The following ACMSD variants were observed in gnomAD, a reference collection of about 807,000 sequenced individuals.
ACMSD encodes 2-amino-3-carboxymuconate-6-semialdehyde decarboxylase.
Under a neutral mutation model 45.9 loss-of-function variants are expected in ACMSD, and 37 were observed. The ratio of observed to expected loss-of-function variants is 0.81; its 90% CI spans 0.62 to 1.06. The LOEUF is 1.06. Ranked by LOEUF, ACMSD falls within the 50% of genes least tolerant of loss-of-function variation. ACMSD has a pLI of 0.00. For missense variants in ACMSD, 434 were observed against 420.9 expected (o/e 1.03, Z -0.27); for synonymous variants, 138 against 148.8 (o/e 0.93, Z 0.53).
intron 6 of ACMSD, among the ~76,000 whole-genome samples, chr2:134,870,421 G>A (rs1227266290): frequency 6.6e-6 from 1 of 152,132 alleles, no homozygotes; most frequent in Non-Finnish European, 1.5e-5. Flanking sequence ...TCACTGGCAG[G>A]AACTCACCAT....
chr2:134,857,709 T>C (rs1026794649), intron 2 of ACMSD: 2 of 151,798 alleles, frequency 1.3e-5, no homozygotes, highest in African/African-American at 2.4e-5. Context: ...GAACTTCCTT[T>C]ATGATGTTGA....
intron 8 of ACMSD, among the ~76,000 whole-genome samples, chr2:134,893,896 G>A (rs1196167892): frequency 6.6e-6 from 1 of 152,008 alleles, no homozygotes; most frequent in Non-Finnish European, 1.5e-5. Context: ...AAGTCACAAG[G>A]AAAATTAGAA....
rs767240117 is a variant in ACMSD at position 134,838,677 on chromosome 2, G to A, written c.-6G>A. 3.1e-6 allele frequency: 5 copies of A among 1,606,696 alleles called. No individual in the cohort carries two copies. Among genetic ancestry groups the A allele is most frequent in the Non-Finnish European group, 1.7e-6 (2 of 1,176,246 alleles). ...TTTCCTTGCATGCTTCTCTGATCCT[G>A]TGGAGATGAAAATTGACATCCATAG... On this transcript the variant is annotated 5_prime_UTR_variant, in exon 1 of 10. The change creates a new upstream start codon in the 5' untranslated region. Coordinates refer to ENST00000356140, the MANE Select transcript of ACMSD (RefSeq NM_138326.3).
chr2:134,881,856 G>A (rs556917294), intron 8 of ACMSD, among the ~76,000 whole-genome samples: 43 of 152,168 alleles, frequency 2.8e-4, no homozygotes, highest in Middle Eastern at 3.4e-3. Context: ...GCTGGATTAC[G>A]CCTGTAATCC....
At chr2:134,862,081 T>C in intron 4 of ACMSD, 63 bp downstream of exon 4, 2 of 1,581,716 alleles carry the variant, frequency 1.3e-6, no homozygotes, top group Admixed American at 3.3e-5. Flanking sequence ...TCCCAAAAAG[T>C]GAACAGATGC....
chr2:134,858,134 T>G (rs1450473411), intron 2 of ACMSD, among the ~76,000 whole-genome samples: 1 of 152,124 alleles, frequency 6.6e-6, no homozygotes, highest in East Asian at 1.9e-4. Context: ...TCAATCTAAG[T>G]GTCCATCAGT....
At chr2:134,875,455 A>C (rs753126882) in intron 8 of ACMSD, among the ~76,000 whole-genome samples, 1 of 152,208 alleles carries the variant, frequency 6.6e-6, no homozygotes, top group Non-Finnish European at 1.5e-5. Flanking sequence ...ATTATTGAGC[A>C]CCTGCTATTT....
intron 1 of ACMSD, 124 bp from the exon 2 acceptor site, chr2:134,845,109 G>A (rs1206065347): frequency 7.8e-6 from 7 of 895,766 alleles, no homozygotes; most frequent in African/African-American, 6.5e-5. Context: ...CGATACATGG[G>A]TATGGGGGAA....
intron 8 of ACMSD, chr2:134,873,363 C>T (rs1688561503): frequency 6.6e-6 from 1 of 152,176 alleles, no homozygotes; most frequent in Non-Finnish European, 1.5e-5. Flanking sequence ...TCAGCAAGTT[C>T]AAGAATTTCT....
chr2:134,901,736 A>G, intron 9 of ACMSD, 62 bp from the exon 10 acceptor site: 1 of 1,238,092 alleles, frequency 8.1e-7, no homozygotes, highest in Non-Finnish European at 1.1e-6. Flanking sequence ...TGATCAATGT[A>G]GTACTTAAAA....
At chr2:134,857,113 C>T (rs566263021) in intron 2 of ACMSD, among the ~76,000 whole-genome samples, 3 of 152,082 alleles carry the variant, frequency 2.0e-5, no homozygotes, top group Admixed American at 1.3e-4. Context: ...TGGTTAGATT[C>T]ATTCCTAAGT....
intron 8 of ACMSD, chr2:134,877,454 G>T (rs1277906111): frequency 6.6e-6 from 1 of 152,240 alleles, no homozygotes; most frequent in Non-Finnish European, 1.5e-5. Flanking sequence ...CAAGGTGTCA[G>T]TCAGGGCTGT....
chr2:134,880,558 T>C lies in ACMSD; in HGVS notation c.849+7917T>C, dbSNP rs767876234. ...AAAAGGCTTCTATTTAGTTGGTCTCTTAATTTCCAAAAGCTTATTATTTTT... is the reference window on the plus strand; with the variant it reads ...AAAAGGCTTCTATTTAGTTGGTCTCCTAATTTCCAAAAGCTTATTATTTTT... On this transcript the variant is annotated intron_variant, in intron 8 of 9. Coordinates refer to ENST00000356140, the MANE Select transcript of ACMSD (RefSeq NM_138326.3). 4.6e-5 allele frequency among the ~76,000 whole-genome samples: 7 copies of C among 152,178 alleles called. No individual in the cohort carries two copies. The South Asian group carries it at 8.3e-4, about 18-fold the overall frequency.
chr2:134,865,824 A>T (rs1688071516), intron 5 of ACMSD, among the ~76,000 whole-genome samples: 1 of 152,166 alleles, frequency 6.6e-6, no homozygotes, highest in African/African-American at 2.4e-5. Context: ...CGTTATTGGT[A>T]TAAGGCAGAC....
intron 5 of ACMSD, 73 bp from the exon 6 acceptor site, chr2:134,867,506 C>T (rs909365141): frequency 8.3e-7 from 1 of 1,203,214 alleles, no homozygotes; most frequent in African/African-American, 1.5e-5. Context: ...AAAGCAGTTT[C>T]CCCAAAACAG....
At chr2:134,871,782 G>A (rs1181949399) in intron 7 of ACMSD, among the ~76,000 whole-genome samples, 2 of 151,344 alleles carry the variant, frequency 1.3e-5, no homozygotes, top group Admixed American at 6.6e-5. Flanking sequence ...CATCTTTCCA[G>A]GTCAACAAAT....
In ACMSD at chr2:134,867,604, T is replaced by C. The variant is rs1350543566; in HGVS notation, c.512T>C (p.Leu171Pro). 2 of 1,614,072 alleles carry C rather than the reference T, an allele frequency of 1.2e-6. No homozygotes were observed. The highest frequency in any genetic ancestry group is 8.5e-7 in the Non-Finnish European group (1 of 1,179,956). The change falls in exon 6 of 10, where the codon CTG becomes CCG. Residue 171 changes from leucine (L) to proline (P), a missense_variant. By Grantham distance (98) the Leu-to-Pro change is moderately conservative. Coordinates refer to ENST00000356140, the MANE Select transcript of ACMSD (RefSeq NM_138326.3). ...GCAGCCGAAAGGCTGAAGTGTTCCC[T>C]GTTCGTGCATCCCTGGGACATGCAG... ...YAAAERLKCS[L>P]FVHPWDMQMD...
Position 134,863,496 on chromosome 2 carries a change from G to A in ACMSD, c.351G>A (p.Leu117=). The change falls in exon 5 of 10, where the codon TTG becomes TTA. Residue 117 remains leucine, a synonymous_variant. Coordinates refer to ENST00000356140, the MANE Select transcript of ACMSD (RefSeq NM_138326.3). The part of the protein sequence containing the change: ...YPRRFVGLGT[L]PMQAPELAVK... Reference sequence around the variant, plus strand: ...GGAGGTTCGTGGGTCTGGGGACGTTGCCCATGCAGGCCCCTGAGCTGGCGG... The same window carrying A: ...GGAGGTTCGTGGGTCTGGGGACGTTACCCATGCAGGCCCCTGAGCTGGCGG... 6.2e-7 allele frequency: 1 copy of A among 1,614,238 alleles called. No homozygotes were observed. Among genetic ancestry groups the A allele is most frequent in the South Asian group, 1.1e-5 (1 of 91,086 alleles).
intron 9 of ACMSD, 34 bp downstream of exon 9, chr2:134,898,473 G>T: frequency 6.8e-7 from 1 of 1,469,550 alleles, no homozygotes; most frequent in South Asian, 1.3e-5. Flanking sequence ...CTTTCTTACT[G>T]ACTTTTCCTG....
Sources: gnomAD v4.1 joint callset for allele counts (sites outside exome capture counted in the v4.1 genomes callset) on GRCh38, gnomAD v4.1.1 for gene constraint, MANE v1.5 for transcripts, NCBI Gene and HGNC (gene_info 2026-07-23, HGNC 2026-07-21) for gene names.